Variants in MGAT4C observed in about 807,000 individuals in gnomAD.
MGAT4C encodes the protein alpha-1,3-mannosyl-glycoprotein 4-beta-N-acetylglucosaminyltransferase C.
MGAT4C carries 19 observed loss-of-function variants against 40.1 expected under a neutral mutation model. The ratio of observed to expected loss-of-function variants is 0.47; its 90% confidence interval spans 0.33 to 0.70. The LOEUF is 0.70. Ranked by LOEUF, MGAT4C falls within the 30% of genes least tolerant of loss-of-function variation. MGAT4C has a pLI of 0.02. For missense variants in MGAT4C, 491 were observed against 563.2 expected (o/e 0.87, Z 1.30); for synonymous variants, 181 against 187.1 (o/e 0.97, Z 0.27).
At chr12:86,292,542 T>A (rs1953550176) in intron 4 of MGAT4C, among the ~76,000 whole-genome samples, 1 of 152,034 alleles carries the variant, frequency 6.6e-6, no homozygotes, top group Admixed American at 6.6e-5. Flanking sequence ...ACAAAACAAG[T>A]TAATTCAGAA....
chr12:86,528,641 A>C (rs1194077437), intron 2 of MGAT4C, among the ~76,000 whole-genome samples: 1 of 152,126 alleles, frequency 6.6e-6, no homozygotes, highest in Non-Finnish European at 1.5e-5. Context: ...AAATTAAACA[A>C]AATACAAATG....
intron 1 of MGAT4C, among the ~76,000 whole-genome samples, chr12:86,746,870 A>C (rs574930160): frequency 6.6e-6 from 1 of 151,724 alleles, no homozygotes; most frequent in Admixed American, 6.6e-5. Context: ...TGATAATTTA[A>C]CAAAATAGTA....
rs146795189 is a variant in MGAT4C at position 86,102,970 on chromosome 12, A to C, written c.-56-53247T>G. ...ATTGCTTATATTGGCAAAAAGGGCA[A>C]ATATAATAAAGTATTTATAAAAAGA... On this transcript the variant is annotated intron_variant, in intron 1 of 4. Transcript: ENST00000611864. 2.0e-5 allele frequency among the ~76,000 whole-genome samples: 3 copies of C among 152,308 alleles called. No homozygotes were observed. In the East Asian group the frequency reaches 5.8e-4, roughly 29 times the overall value.
intron 2 of MGAT4C, among the ~76,000 whole-genome samples, chr12:86,005,464 C>A (rs573149349): frequency 4.6e-5 from 7 of 152,136 alleles, no homozygotes; most frequent in Non-Finnish European, 1.0e-4. Context: ...GAGTTAGGAA[C>A]TGAGGTTAAC....
At chr12:86,773,738 T>C (rs1400444330) in intron 1 of MGAT4C, among the ~76,000 whole-genome samples, 1 of 152,022 alleles carries the variant, frequency 6.6e-6, no homozygotes, top group Non-Finnish European at 1.5e-5. Flanking sequence ...TGCATGTGTG[T>C]GTATATATTT....
intron 4 of MGAT4C, among the ~76,000 whole-genome samples, chr12:86,307,312 A>G (rs933577850): frequency 2.7e-5 from 4 of 150,770 alleles, no homozygotes; most frequent in Non-Finnish European, 5.9e-5. Flanking sequence ...CATGAATTAC[A>G]TAAAATAAAC....
intron 2 of MGAT4C, among the ~76,000 whole-genome samples, chr12:86,048,367 T>C (rs1318161081): frequency 1.3e-5 from 2 of 152,040 alleles, no homozygotes; most frequent in Non-Finnish European, 2.9e-5. Flanking sequence ...TCGGGTACTA[T>C]GCTTGCTACC....
In MGAT4C at chr12:86,297,987, T is replaced by C. The variant is rs570652099; in HGVS notation, c.-57+36078A>G. ...ATGTGAAAACATATATATAAAGATA[T>C]GTGGATGTAATTGATAGGTTGTTAT... On this transcript the variant is annotated intron_variant, in intron 4 of 7. Transcript: ENST00000548651. Among the ~76,000 whole-genome samples the C allele has an allele frequency of 2.6e-5, 4 of 152,282 alleles. No homozygotes were observed. In the East Asian group the frequency reaches 7.7e-4, roughly 29 times the overall value.
intron 4 of MGAT4C, among the ~76,000 whole-genome samples, chr12:86,300,675 G>C (rs1212617876): frequency 2.0e-5 from 3 of 152,018 alleles, no homozygotes; most frequent in East Asian, 3.9e-4. Context: ...TTGCATTGTA[G>C]CTTTTAAAAA....
chr12:86,746,648 T>A (rs934430181), intron 1 of MGAT4C, among the ~76,000 whole-genome samples: 3 of 151,598 alleles, frequency 2.0e-5, no homozygotes, highest in African/African-American at 7.3e-5. Flanking sequence ...ACAATAATCA[T>A]TTTCTCTTAC....
intron 1 of MGAT4C, among the ~76,000 whole-genome samples, chr12:86,086,658 T>C (rs1871907008): frequency 6.6e-6 from 1 of 152,088 alleles, no homozygotes; most frequent in African/African-American, 2.4e-5. Context: ...CAAGTATTTA[T>C]CATTTCTTTG....
chr12:86,034,891 C>A (rs1891087396), intron 2 of MGAT4C, among the ~76,000 whole-genome samples: 1 of 149,830 alleles, frequency 6.7e-6, no homozygotes. Context: ...CATCCATGTA[C>A]CTGCAAAGAA....
At chr12:86,444,272 T>C (rs1957292997) in intron 2 of MGAT4C, among the ~76,000 whole-genome samples, 1 of 152,162 alleles carries the variant, frequency 6.6e-6, no homozygotes, top group Non-Finnish European at 1.5e-5. Context: ...ATTTCTTTCA[T>C]ACCATGCAAA....
At chr12:86,384,259 C>T (rs952845418) in intron 3 of MGAT4C, among the ~76,000 whole-genome samples, 1 of 152,134 alleles carries the variant, frequency 6.6e-6, no homozygotes, top group Non-Finnish European at 1.5e-5. Flanking sequence ...TCTCCTAAAA[C>T]CATACTTAAT....
chr12:86,628,100 C>T (rs1376956228), intron 2 of MGAT4C, among the ~76,000 whole-genome samples: 2 of 152,118 alleles, frequency 1.3e-5, no homozygotes, highest in Non-Finnish European at 2.9e-5. Flanking sequence ...GTGACACATG[C>T]ACAAGCTTCA....
intron 2 of MGAT4C, among the ~76,000 whole-genome samples, chr12:86,537,793 T>C (rs1016149765): frequency 6.6e-6 from 1 of 152,178 alleles, no homozygotes. Flanking sequence ...TTGATACAAA[T>C]AATTTTTTTT....
rs1015056625 is a variant in MGAT4C, at chr12:86,371,779, G to C, written c.-119-37652C>G. Among the ~76,000 whole-genome samples the C allele has an allele frequency of 4.0e-5, 6 of 151,630 alleles. No homozygotes were observed. The East Asian group carries it at 9.7e-4, about 24-fold the overall frequency. Reference sequence around the variant, plus strand: ...TTCCTCAATACTTGGCCAAATTCCTGGTTCAGTTCTTATTATATTGAAAGT... The same window carrying C: ...TTCCTCAATACTTGGCCAAATTCCTCGTTCAGTTCTTATTATATTGAAAGT... On this transcript the variant is annotated intron_variant, in intron 3 of 7. Coordinates refer to the MGAT4C transcript ENST00000548651.
intron 1 of MGAT4C, among the ~76,000 whole-genome samples, chr12:86,098,887 T>C (rs1008574952): frequency 2.6e-5 from 4 of 151,528 alleles, no homozygotes; most frequent in African/African-American, 7.2e-5. Flanking sequence ...TATTTACCTT[T>C]TTCATAGACA....
At chr12:86,393,931 G>C (rs1361226450) in intron 3 of MGAT4C, among the ~76,000 whole-genome samples, 1 of 152,162 alleles carries the variant, frequency 6.6e-6, no homozygotes, top group African/African-American at 2.4e-5. Flanking sequence ...TGGAGGGATG[G>C]GAATGTTAAC....
Sources: allele counts gnomAD v4.1 joint callset (sites outside exome capture counted in the v4.1 genomes callset), GRCh38; gene constraint gnomAD v4.1.1; transcripts MANE v1.5; gene names NCBI Gene and HGNC (gene_info 2026-07-23, HGNC 2026-07-21).